ANKS1B: variants seen among roughly 807,000 people sequenced by gnomAD.
ANKS1B encodes the protein ankyrin repeat and sterile alpha motif domain containing 1B.
Under a neutral mutation model 148.3 loss-of-function variants are expected in ANKS1B, and 36 were observed. The observed-to-expected ratio is 0.24, with a 90% CI of 0.19 to 0.32. The LOEUF (loss-of-function observed/expected upper bound fraction) is 0.32, where lower values mean the gene tolerates loss of function less well. Among genes scored for constraint, ANKS1B ranks in the 10% least tolerant of loss-of-function variants. ANKS1B has a pLI of 1.00. For synonymous variants in ANKS1B, 542 were observed against 560.8 expected, an observed-to-expected ratio of 0.97 and a Z score of 0.47; for missense variants, 1,157 against 1,542.6, an observed-to-expected ratio of 0.75 and a Z score of 4.19.
intron 17 of ANKS1B, among the ~76,000 whole-genome samples, chr12:98,991,041 T>C (rs1289519890): frequency 2.0e-5 from 3 of 152,166 alleles, no homozygotes; most frequent in African/African-American, 7.2e-5. Context: ...AGACTGGTTG[T>C]GTGATGGATG....
chr12:99,654,894 T>C (rs966666176), intron 9 of ANKS1B, among the ~76,000 whole-genome samples, 173 bp downstream of exon 9: 15 of 152,224 alleles, frequency 9.9e-5, no homozygotes, highest in Admixed American at 3.9e-4. Context: ...TGTACACATA[T>C]GCACACCAAG....
chr12:99,323,862 G>C (rs1287134413), intron 12 of ANKS1B, among the ~76,000 whole-genome samples: 2 of 152,062 alleles, frequency 1.3e-5, no homozygotes, highest in Admixed American at 6.6e-5. Context: ...AGACTCAAGC[G>C]ATTTAAATTC....
rs895709166 is a variant in ANKS1B, at chr12:99,980,175, A to G, written c.134+3929T>C. ...GTCATTGAAAAAAAAAAATACCAGG[A>G]AATTTTAATTGACTGTATGTTCAAC... On this transcript the variant is annotated intron_variant, in intron 1 of 26. Transcript: ENST00000683438. 7.2e-5 allele frequency among the ~76,000 whole-genome samples: 11 copies of G among 152,106 alleles called. No homozygotes were observed. The South Asian group carries it at 1.0e-3, about 14-fold the overall frequency.
At chr12:98,928,938 G>A (rs1384446198) in intron 17 of ANKS1B, among the ~76,000 whole-genome samples, 2 of 151,896 alleles carry the variant, frequency 1.3e-5, no homozygotes, top group Non-Finnish European at 2.9e-5. Flanking sequence ...TGCTAGCCAG[G>A]CTAATTAGGC....
chr12:98,749,448 T>C (rs2098012386), intron 26 of ANKS1B, among the ~76,000 whole-genome samples: 1 of 151,902 alleles, frequency 6.6e-6, no homozygotes, highest in East Asian at 1.9e-4. Context: ...CAATAAGCCA[T>C]CAGTAAAAAA....
chr12:99,388,968 C>T (rs532770878), intron 12 of ANKS1B, among the ~76,000 whole-genome samples: 1 of 152,286 alleles, frequency 6.6e-6, no homozygotes, highest in South Asian at 2.1e-4. Context: ...TGCCCTAAAA[C>T]ATCTGGGAGT....
chr12:98,842,916 G>A (rs565099694), intron 17 of ANKS1B, among the ~76,000 whole-genome samples: 6 of 152,164 alleles, frequency 3.9e-5, no homozygotes, highest in Admixed American at 3.9e-4. Context: ...TATTTTTGAG[G>A]GTCTTAATCC....
At chr12:99,682,017 C>T (rs1033690052) in intron 8 of ANKS1B, among the ~76,000 whole-genome samples, 1 of 152,044 alleles carries the variant, frequency 6.6e-6, no homozygotes. Flanking sequence ...TTTTAAAAAA[C>T]AAAGAGGGAC....
chr12:99,553,724 T>A (rs1194543294), intron 9 of ANKS1B, among the ~76,000 whole-genome samples: 1 of 152,216 alleles, frequency 6.6e-6, no homozygotes, highest in East Asian at 1.9e-4. Flanking sequence ...CTAGCATTCA[T>A]TGACAATTCA....
chr12:99,186,748 TA>T lies in ANKS1B; in HGVS notation c.2420-32354del, dbSNP rs918429661. On this transcript the variant is annotated intron_variant, in intron 14 of 26. Coordinates refer to ENST00000683438, the MANE Select transcript of ANKS1B (RefSeq NM_001352186.2). ...ACCCTATCAGAAGTCCAAAGGTAGA[TA>T]AATCCATGAAGATGGGGAGATACCA... 2.1e-4 allele frequency among the ~76,000 whole-genome samples: 32 copies of T among 152,166 alleles called. 1 individual carries two copies. The highest frequency in any genetic ancestry group is 1.2e-3 in the Admixed American group (18 of 15,286).
At chr12:98,743,500 A>T (rs1186143873), downstream of ANKS1B, among the ~76,000 whole-genome samples, 2 of 152,228 alleles carry the variant, frequency 1.3e-5, no homozygotes, top group Non-Finnish European at 2.9e-5. Flanking sequence ...GAAGAAAATC[A>T]GCTGCAAATC....
chr12:99,106,157 C>T (rs559416705), intron 15 of ANKS1B, among the ~76,000 whole-genome samples: 1 of 152,296 alleles, frequency 6.6e-6, no homozygotes, highest in South Asian at 2.1e-4. Flanking sequence ...GACGATTTTT[C>T]CAAGAGGCAC....
At chr12:99,901,214 A>C (rs1345896454) in intron 1 of ANKS1B, among the ~76,000 whole-genome samples, 2 of 152,230 alleles carry the variant, frequency 1.3e-5, no homozygotes, top group Non-Finnish European at 2.9e-5. Flanking sequence ...TTTTGGAATG[A>C]ATGAATGAAG....
rs71081900 is a variant in ANKS1B, at chr12:99,124,418, A to ATGTGTG, written c.2526+29865_2526+29870dup. On this transcript the variant is annotated intron_variant, in intron 15 of 26. Transcript: ENST00000683438. Reference sequence around the variant, plus strand: ...AGCATGCACAAACTTATTTGTGTGCATGTGTGTGTGTGTGTGTATGTGTGT... The same window carrying ATGTGTG: ...AGCATGCACAAACTTATTTGTGTGCATGTGTGTGTGTGTGTGTGTGTGTATGTGTGT... Among the ~76,000 whole-genome samples, 830 of 149,952 alleles carry ATGTGTG rather than the reference A, an allele frequency of 5.5e-3. 10 individuals carry two copies. The highest frequency in any genetic ancestry group is 0.018 in the African/African-American group (738 of 40,298).
chr12:98,777,983 G>A (rs2153502464), intron 24 of ANKS1B, among the ~76,000 whole-genome samples: 1 of 152,274 alleles, frequency 6.6e-6, no homozygotes, highest in South Asian at 2.1e-4. Context: ...AGGTTAGGGA[G>A]GTTGAAAATC....
chr12:99,170,462 C>T, intron 14 of ANKS1B, among the ~76,000 whole-genome samples: 1 of 152,312 alleles, frequency 6.6e-6, no homozygotes, highest in Non-Finnish European at 1.5e-5. Context: ...CCATCTATCT[C>T]ATGGTTTTAT....
chr12:99,446,211 C>T (rs1031580955), intron 10 of ANKS1B, among the ~76,000 whole-genome samples: 2 of 151,418 alleles, frequency 1.3e-5, no homozygotes, highest in African/African-American at 4.9e-5. Context: ...AAAGCTGGAA[C>T]AAAACATTAG....
At chr12:99,174,788 A>C (rs1317673089) in intron 14 of ANKS1B, among the ~76,000 whole-genome samples, 1 of 152,190 alleles carries the variant, frequency 6.6e-6, no homozygotes, top group East Asian at 1.9e-4. Context: ...TACAAATATA[A>C]AAAAATTATA....
intron 17 of ANKS1B, among the ~76,000 whole-genome samples, chr12:99,005,562 T>C (rs561366719): frequency 5.3e-5 from 8 of 152,364 alleles, no homozygotes; most frequent in Admixed American, 3.3e-4. Flanking sequence ...CAGATCTAGC[T>C]ATTTTCTTCC....
Sources: allele counts gnomAD v4.1 joint callset (sites outside exome capture counted in the v4.1 genomes callset), GRCh38; gene constraint gnomAD v4.1.1; transcripts MANE v1.5; gene names NCBI Gene and HGNC (gene_info 2026-07-23, HGNC 2026-07-21).